The following BMPR1A variants were observed in gnomAD, a reference collection of about 807,000 sequenced individuals.
The protein encoded by BMPR1A is bone morphogenetic protein receptor type 1A.
A neutral mutation model predicts 66.0 loss-of-function variants in BMPR1A; 7 were observed. The ratio of observed to expected loss-of-function variants is 0.11; its 90% CI spans 0.06 to 0.20. The LOEUF (loss-of-function observed/expected upper bound fraction) is 0.20. Ranked by LOEUF, BMPR1A falls within the 10% of genes least tolerant of loss-of-function variation. The pLI is 1.00. For synonymous variants in BMPR1A, 200 were observed against 229.7 expected (o/e 0.87, Z 1.17); for missense variants, 408 against 669.1 (o/e 0.61, Z 4.31).
intron 1 of BMPR1A, among the ~76,000 whole-genome samples, chr10:86,771,716 G>C (rs1841265166): frequency 6.6e-6 from 1 of 152,188 alleles, no homozygotes; most frequent in Admixed American, 6.5e-5. Context: ...AAACGTGGTA[G>C]AGATTTTCCA....
At chr10:86,796,215 A>G (rs1003249709) in intron 1 of BMPR1A, among the ~76,000 whole-genome samples, 9 of 152,106 alleles carry the variant, frequency 5.9e-5, no homozygotes, top group Admixed American at 5.9e-4. Flanking sequence ...TTAAGGAATT[A>G]AACAATTTTG....
At chr10:86,932,051 A>G (rs1330171261), downstream of BMPR1A, 1 of 152,166 alleles carries the variant, frequency 6.6e-6, no homozygotes, top group Non-Finnish European at 1.5e-5. Context: ...AAGGACTGCC[A>G]TTTACCCTTC....
intron 3 of BMPR1A, 151 bp from the exon 4 acceptor site, chr10:86,889,911 G>A (rs1303493046): frequency 1.2e-6 from 1 of 842,088 alleles, no homozygotes; most frequent in Non-Finnish European, 1.9e-6. Flanking sequence ...ATGTCTGTTT[G>A]TTGTATGAAT....
At chr10:86,773,266 G>T (rs1428360766) in intron 1 of BMPR1A, among the ~76,000 whole-genome samples, 1 of 151,762 alleles carries the variant, frequency 6.6e-6, no homozygotes, top group South Asian at 2.1e-4. Context: ...AAGATGTAGG[G>T]AAGCAGAACC....
At chr10:86,809,296 C>G (rs1841933555) in intron 1 of BMPR1A, among the ~76,000 whole-genome samples, 1 of 145,222 alleles carries the variant, frequency 6.9e-6, no homozygotes, top group Admixed American at 7.0e-5. Context: ...GGCCCCCCTC[C>G]CTTTTTTTTT....
In BMPR1A at chr10:86,855,677, A is replaced by G. The variant is rs549061577; in HGVS notation, c.-153+16698A>G. 31 of 707,198 alleles carry G rather than the reference A, an allele frequency of 4.4e-5. No individual in the cohort carries two copies. The South Asian group carries it at 4.5e-4, about 10-fold the overall frequency. 43.8% of individuals were successfully genotyped at this position (707,198 alleles called of 1,614,324 possible). On this transcript the variant is annotated intron_variant, in intron 2 of 12. Coordinates refer to ENST00000372037, the MANE Select transcript of BMPR1A (RefSeq NM_004329.3). Reference sequence around the variant, plus strand: ...CTGAGTATCTAATTTGCAATTGCCTAACTGCTCAGTGACATCCACTACTGT... The same window carrying G: ...CTGAGTATCTAATTTGCAATTGCCTGACTGCTCAGTGACATCCACTACTGT...
chr10:86,931,553 A>G (rs930344923), downstream of BMPR1A: 1 of 151,754 alleles, frequency 6.6e-6, no homozygotes, highest in Non-Finnish European at 1.5e-5. Flanking sequence ...TCCTGTCCTC[A>G]TACTTGGCTA....
intron 1 of BMPR1A, among the ~76,000 whole-genome samples, chr10:86,789,920 G>A (rs924844182): frequency 1.3e-5 from 2 of 150,706 alleles, no homozygotes; most frequent in African/African-American, 4.9e-5. Context: ...ACTTTGGGAG[G>A]CCGAGGAGGG....
At chr10:86,871,815 A>AT (rs1383888950) in intron 2 of BMPR1A, among the ~76,000 whole-genome samples, 4 of 152,086 alleles carry the variant, frequency 2.6e-5, no homozygotes, top group Non-Finnish European at 5.9e-5. Flanking sequence ...AAAAAAAAAA[A>AT]AAATTTAGTC....
At chr10:86,921,751 C>G in intron 11 of BMPR1A, 56 bp downstream of exon 11, 1 of 1,610,132 alleles carries the variant, frequency 6.2e-7, no homozygotes. Context: ...TTAAAAATAA[C>G]AGCTCCAGTT....
chr10:86,918,551 G>C (rs1843609983), intron 9 of BMPR1A, among the ~76,000 whole-genome samples: 1 of 152,022 alleles, frequency 6.6e-6, no homozygotes, highest in Non-Finnish European at 1.5e-5. Context: ...TTCTACTAGA[G>C]AATCATGTAG....
intron 2 of BMPR1A, among the ~76,000 whole-genome samples, chr10:86,858,053 A>G (rs1431542685): frequency 2.0e-5 from 3 of 152,180 alleles, no homozygotes; most frequent in African/African-American, 7.2e-5. Context: ...GAGTTTGTGG[A>G]CATATTTAAA....
At chr10:86,770,809 A>G (rs1841245914) in intron 1 of BMPR1A, among the ~76,000 whole-genome samples, 1 of 152,206 alleles carries the variant, frequency 6.6e-6, no homozygotes, top group Admixed American at 6.5e-5. Flanking sequence ...GATTTGACCA[A>G]CCACAATTAG....
At chr10:86,893,383 A>AT (rs763093800) in intron 5 of BMPR1A, among the ~76,000 whole-genome samples, 1 of 152,298 alleles carries the variant, frequency 6.6e-6, no homozygotes, top group South Asian at 2.1e-4. Flanking sequence ...CTGCATAGTG[A>AT]TTTTGTCCCA....
chr10:86,857,635 T>C (rs4934275), intron 2 of BMPR1A, among the ~76,000 whole-genome samples: 22,448 of 151,740 alleles, frequency 0.15, 2,670 homozygotes, highest in East Asian at 0.66. Context: ...TACACTTCCA[T>C]GTGGCATACT....
intron 1 of BMPR1A, among the ~76,000 whole-genome samples, chr10:86,794,253 T>A (rs1028104876): frequency 2.0e-5 from 3 of 152,204 alleles, no homozygotes; most frequent in Non-Finnish European, 4.4e-5. Context: ...ATTTTTTTTT[T>A]ATGACAGTTG....
intron 1 of BMPR1A, among the ~76,000 whole-genome samples, chr10:86,764,629 T>C (rs964299855): frequency 3.9e-5 from 6 of 152,240 alleles, no homozygotes; most frequent in Non-Finnish European, 5.9e-5. Context: ...GGTCTCCTGC[T>C]CTGGCCAAGT....
At chr10:86,811,161 C>T (rs1841964849) in intron 1 of BMPR1A, among the ~76,000 whole-genome samples, 1 of 152,174 alleles carries the variant, frequency 6.6e-6, no homozygotes, top group African/African-American at 2.4e-5. Context: ...GCCTCAGCCT[C>T]CCGAGTAGCT....
chr10:86,820,796 C>T (rs1842111287), intron 1 of BMPR1A, among the ~76,000 whole-genome samples: 1 of 152,222 alleles, frequency 6.6e-6, no homozygotes, highest in African/African-American at 2.4e-5. Flanking sequence ...CTGGAATCAG[C>T]AACCCCAATA....
Sources: allele counts gnomAD v4.1 joint callset (sites outside exome capture counted in the v4.1 genomes callset), GRCh38; gene constraint gnomAD v4.1.1; transcripts MANE v1.5; gene names NCBI Gene and HGNC (gene_info 2026-07-23, HGNC 2026-07-21).